ADCY10: variants seen among roughly 807,000 people sequenced by gnomAD.
ADCY10 encodes adenylate cyclase type 10.
In ADCY10, 156 loss-of-function variants were observed where a neutral mutation model predicts 183.3. The observed-to-expected ratio is 0.85, with a 90% CI of 0.75 to 0.97. The LOEUF (loss-of-function observed/expected upper bound fraction) is 0.97, where lower values mean the gene tolerates loss of function less well. Among genes scored for constraint, ADCY10 ranks in the 50% least tolerant of loss-of-function variants. The pLI is 0.00. For missense variants in ADCY10, 1,745 were observed against 1,934.3 expected (o/e 0.90, Z 1.84); for synonymous variants, 645 against 670.0 (o/e 0.96, Z 0.58).
chr1:167,900,510 T>C (rs571825603), intron 5 of ADCY10, among the ~76,000 whole-genome samples: 1 of 152,274 alleles, frequency 6.6e-6, no homozygotes, highest in Admixed American at 6.5e-5. Context: ...TTTGATTTTT[T>C]TTTCAACAAA....
rs1365362406 is a variant in ADCY10 at position 167,905,088 on chromosome 1, G to A, written c.53C>T (p.Ala18Val). ...FQDWPIVRIA[A>V]HLPDLIVYGH... ...ATAGACAATGAGGTCTGGTAAATGA[G>A]CTGCTATTCTGACTATGGGCCAGTC... The change falls in exon 2 of 33, where the codon GCT (alanine) becomes GTT (valine). Residue 18 changes from alanine (A) to valine (V), a missense_variant. By Grantham distance (64) the Ala-to-Val change is moderately conservative (BLOSUM62 0). Coordinates refer to ENST00000367851, the MANE Select transcript of ADCY10 (RefSeq NM_018417.6). 2 of 1,614,210 alleles carry A rather than the reference G, an allele frequency of 1.2e-6. No individual in the cohort carries two copies. The highest frequency in any genetic ancestry group is 1.3e-5 in the African/African-American group (1 of 75,060).
At chr1:167,849,779 T>C (rs3767451) in intron 18 of ADCY10, among the ~76,000 whole-genome samples, 47,599 of 152,034 alleles carry the variant, frequency 0.31, 7,832 homozygotes, top group East Asian at 0.43. Flanking sequence ...AAAGGCTTGA[T>C]AGGGGAGGAA....
intron 6 of ADCY10, among the ~76,000 whole-genome samples, chr1:167,898,747 G>A (rs149009856): frequency 1.3e-5 from 2 of 152,270 alleles, no homozygotes; most frequent in East Asian, 1.9e-4. Context: ...GAGTGTGGGA[G>A]TGCCTCCTAT....
intron 13 of ADCY10, among the ~76,000 whole-genome samples, chr1:167,873,635 T>G (rs879755515): frequency 3.3e-5 from 5 of 152,328 alleles, no homozygotes; most frequent in African/African-American, 1.2e-4. Context: ...TACTCCCCTG[T>G]CTAATCTCGA....
chr1:167,837,746 C>T (rs4657724), intron 21 of ADCY10, among the ~76,000 whole-genome samples: 4,778 of 152,198 alleles, frequency 0.031, 139 homozygotes, highest in East Asian at 0.13. Context: ...TTTGTGATAG[C>T]TAATAACATT....
intron 8 of ADCY10, among the ~76,000 whole-genome samples, chr1:167,887,627 T>C (rs575883797): frequency 9.8e-4 from 149 of 152,134 alleles, no homozygotes; most frequent in African/African-American, 3.5e-3. Context: ...CATACCAACA[T>C]GGGACATGTA....
chr1:167,850,292 A>C (rs932849094), intron 18 of ADCY10, among the ~76,000 whole-genome samples: 2 of 152,144 alleles, frequency 1.3e-5, no homozygotes, highest in South Asian at 4.1e-4. Context: ...AGAGACACGA[A>C]GTACAGAAGG....
At chr1:167,853,483 T>A (rs560484719) in intron 18 of ADCY10, among the ~76,000 whole-genome samples, 1 of 152,252 alleles carries the variant, frequency 6.6e-6, no homozygotes, top group African/African-American at 2.4e-5. Context: ...CTTAAGAATC[T>A]AGCAACTCAG....
chr1:167,859,745 TG>T, intron 16 of ADCY10, 61 bp downstream of exon 16: 1 of 1,277,306 alleles, frequency 7.8e-7, no homozygotes, highest in Non-Finnish European at 1.1e-6. Flanking sequence ...TCAAACCACC[TG>T]GCTTTGTGGT....
Position 167,914,073 on chromosome 1 carries a change from T to C in ADCY10, c.-156A>G, listed in dbSNP as rs902187737. On this transcript the variant is annotated 5_prime_UTR_variant, in exon 1 of 33. Coordinates refer to ENST00000367851, the MANE Select transcript of ADCY10 (RefSeq NM_018417.6). ...AGGAGAGGAGGCCGGGTGACATTAT[T>C]CTGAAGACAGCTGAAGCGCCATGTC... 2.0e-5 allele frequency: 3 copies of C among 152,256 alleles called. No individual in the cohort carries two copies. Among genetic ancestry groups the C allele is most frequent in the African/African-American group, 7.2e-5 (3 of 41,442 alleles). 9.4% of individuals were successfully genotyped at this position (152,256 alleles called of 1,614,324 possible).
intron 18 of ADCY10, among the ~76,000 whole-genome samples, chr1:167,849,327 AG>A (rs1558183855): frequency 6.6e-6 from 1 of 152,230 alleles, no homozygotes; most frequent in Non-Finnish European, 1.5e-5. Flanking sequence ...TTGGTTTCCT[AG>A]TACTCCAAAA....
intron 8 of ADCY10, among the ~76,000 whole-genome samples, chr1:167,888,875 C>CAAAAAA (rs748603972): frequency 2.3e-4 from 22 of 93,910 alleles, no homozygotes; most frequent in East Asian, 3.2e-4. Context: ...GACTCCGTCT[C>CAAAAAA]AAAAAAAAAA....
At chr1:167,879,333 C>T (rs1667714765) in intron 11 of ADCY10, among the ~76,000 whole-genome samples, 1 of 152,194 alleles carries the variant, frequency 6.6e-6, no homozygotes, top group African/African-American at 2.4e-5. Flanking sequence ...CAGCTGGCTG[C>T]TTGTAAGCCT....
chr1:167,890,873 T>A (rs557897836), intron 8 of ADCY10, among the ~76,000 whole-genome samples: 30 of 152,316 alleles, frequency 2.0e-4, no homozygotes, highest in African/African-American at 6.7e-4. Flanking sequence ...TATGGAGAAG[T>A]AACACAGCTT....
chr1:167,912,355 G>A (rs1571489526), intron 1 of ADCY10, among the ~76,000 whole-genome samples: 1 of 152,182 alleles, frequency 6.6e-6, no homozygotes, highest in East Asian at 1.9e-4. Context: ...CACCCAACAT[G>A]GCGATTCCGG....
intron 31 of ADCY10, among the ~76,000 whole-genome samples, chr1:167,813,420 G>A (rs1662338917): frequency 6.6e-6 from 1 of 151,700 alleles, no homozygotes; most frequent in Admixed American, 6.6e-5. Flanking sequence ...GTCCTTCGAA[G>A]ATAAGGGAGA....
chr1:167,819,231 C>A (rs1474331621), intron 30 of ADCY10, among the ~76,000 whole-genome samples: 3 of 148,176 alleles, frequency 2.0e-5, no homozygotes, highest in Non-Finnish European at 4.5e-5. Context: ...TGAATATTTT[C>A]TGTGTAGAAA....
chr1:167,860,644 A>G (rs565318613), intron 15 of ADCY10, among the ~76,000 whole-genome samples: 2 of 152,294 alleles, frequency 1.3e-5, no homozygotes, highest in African/African-American at 4.8e-5. Context: ...TAAGAAAAAA[A>G]TTAGTCAGCA....
chr1:167,813,701 G>A (rs995953531), intron 31 of ADCY10, among the ~76,000 whole-genome samples: 12 of 152,058 alleles, frequency 7.9e-5, no homozygotes, highest in Admixed American at 2.0e-4. Context: ...AGATTAATAC[G>A]TTTTTAAAAT....
Sources: gnomAD v4.1 joint callset for allele counts (sites outside exome capture counted in the v4.1 genomes callset) on GRCh38, gnomAD v4.1.1 for gene constraint, MANE v1.5 for transcripts, NCBI Gene and HGNC (gene_info 2026-07-23, HGNC 2026-07-21) for gene names.